PIR: variants seen among roughly 807,000 people sequenced by gnomAD.
The protein encoded by PIR is pirin (iron-binding nuclear protein).
A neutral mutation model predicts 24.2 loss-of-function variants in PIR; 22 were observed. The observed-to-expected ratio is 0.91, with a 90% confidence interval of 0.65 to 1.30. The LOEUF is 1.30. Among genes scored for constraint, PIR ranks in the 50% most tolerant of loss-of-function variants. PIR has a pLI of 0.00. For synonymous variants in PIR, 80 were observed against 79.6 expected, an observed-to-expected ratio of 1.00 and a Z score of -0.03; for missense variants, 220 against 220.3, an observed-to-expected ratio of 1.00 and a Z score of 0.01.
chrX:15,482,630 CT>C (rs1295528770), intron 2 of PIR, among the ~76,000 whole-genome samples: 1 of 111,881 alleles, frequency 8.9e-6, no homozygotes, highest in African/African-American at 3.2e-5. Context: ...GATATATTAT[CT>C]TTTAATACAT....
chrX:15,486,478 T>G (rs1408790590), intron 2 of PIR, among the ~76,000 whole-genome samples: 1 of 110,116 alleles, frequency 9.1e-6, no homozygotes, highest in East Asian at 2.8e-4. Context: ...CCACTGAACT[T>G]ACAATAATTC....
intron 2 of PIR, among the ~76,000 whole-genome samples, chrX:15,482,886 G>A (rs1357534701): frequency 9.0e-6 from 1 of 110,611 alleles, no homozygotes; most frequent in African/African-American, 3.3e-5. Context: ...TGCTGTCTTT[G>A]TTATAAACTT....
chrX:15,394,754 T>C (rs1243573894), intron 8 of PIR, among the ~76,000 whole-genome samples: 1 of 111,648 alleles, frequency 9.0e-6, no homozygotes, highest in Non-Finnish European at 1.9e-5. Flanking sequence ...CAGTCCAGGA[T>C]TAAATGTCCA....
At chrX:15,482,484 C>T (rs866956309) in intron 2 of PIR, among the ~76,000 whole-genome samples, 38 of 102,997 alleles carry the variant, frequency 3.7e-4, no homozygotes, top group Non-Finnish European at 4.2e-4. Context: ...GTTGAATTGT[C>T]GAATGTCTTC....
chrX:15,491,514 C>A (rs774097112), intron 1 of PIR, among the ~76,000 whole-genome samples: 1 of 111,655 alleles, frequency 9.0e-6, no homozygotes, highest in African/African-American at 3.3e-5. Flanking sequence ...GTGCCCAGTA[C>A]CCCACCAATT....
At chrX:15,393,586 AC>A (rs1394603650) in intron 8 of PIR, among the ~76,000 whole-genome samples, 1 of 110,419 alleles carries the variant, frequency 9.1e-6, no homozygotes, top group Non-Finnish European at 1.9e-5. Context: ...TGCTCGAATT[AC>A]CACCCCAGCT....
At chrX:15,454,478 A>C (rs1470136773) in intron 5 of PIR, among the ~76,000 whole-genome samples, 1 of 109,496 alleles carries the variant, frequency 9.1e-6, no homozygotes, top group Non-Finnish European at 1.9e-5. Flanking sequence ...ACAGGTAAAA[A>C]AAAAAAAAAC....
intron 6 of PIR, among the ~76,000 whole-genome samples, chrX:15,407,957 T>G (rs1924602743): frequency 1.1e-5 from 1 of 94,355 alleles, no homozygotes; most frequent in African/African-American, 4.0e-5. Flanking sequence ...GTCTGAAGTG[T>G]GAAGCTGATG....
intron 5 of PIR, among the ~76,000 whole-genome samples, chrX:15,428,596 A>T (rs1355567498): frequency 8.9e-6 from 1 of 111,840 alleles, no homozygotes. Context: ...GGAAGTCAGG[A>T]GTCTTTCATG....
At chrX:15,447,561 G>A (rs111282407) in intron 5 of PIR, among the ~76,000 whole-genome samples, 1,227 of 111,596 alleles carry the variant, frequency 0.011, 14 homozygotes, top group African/African-American at 0.029. Context: ...CTCGTGATCC[G>A]GCCGCCTCGG....
chrX:15,481,785 G>T (rs1460519110), intron 2 of PIR, among the ~76,000 whole-genome samples: 18 of 111,541 alleles, frequency 1.6e-4, no homozygotes, highest in African/African-American at 5.9e-4. Context: ...TATCACCAGT[G>T]TATTTATCAA....
intron 4 of PIR, among the ~76,000 whole-genome samples, chrX:15,458,519 G>A (rs1921172085): frequency 9.0e-6 from 1 of 111,205 alleles, no homozygotes; most frequent in Admixed American, 9.6e-5. Context: ...TGCACCTGTG[G>A]TCCCACCTAC....
intron 7 of PIR, 94 bp downstream of exon 7, chrX:15,407,412 T>G: frequency 1.6e-6 from 1 of 644,609 alleles, no homozygotes; most frequent in Non-Finnish European, 2.6e-6. Flanking sequence ...GGCATAGTAT[T>G]CAATTACATA....
At chrX:15,465,851 T>C (rs1231608847) in intron 3 of PIR, among the ~76,000 whole-genome samples, 1 of 112,034 alleles carries the variant, frequency 8.9e-6, no homozygotes, top group African/African-American at 3.2e-5. Flanking sequence ...ATATAGTTTG[T>C]TGTTTCTTTC....
At chrX:15,456,799 C>T (rs1191237305) in intron 4 of PIR, among the ~76,000 whole-genome samples, 3 of 112,354 alleles carry the variant, frequency 2.7e-5, no homozygotes, top group Admixed American at 9.4e-5. Context: ...ATGGAACCCT[C>T]GCTACTTGGA....
At chrX:15,454,801 C>T (rs770479245) in intron 5 of PIR, among the ~76,000 whole-genome samples, 10 of 112,120 alleles carry the variant, frequency 8.9e-5, no homozygotes, top group African/African-American at 3.2e-4. Context: ...TCTCCCAGAT[C>T]CCCTCAGATC....
At chrX:15,399,629 G>T (rs1049509860) in intron 7 of PIR, among the ~76,000 whole-genome samples, 1 of 111,751 alleles carries the variant, frequency 8.9e-6, no homozygotes, top group African/African-American at 3.3e-5. Flanking sequence ...TATTAGCTGG[G>T]CTGATGACTT....
At chrX:15,415,977 G>A (rs1361212730) in intron 6 of PIR, among the ~76,000 whole-genome samples, 16 of 107,608 alleles carry the variant, frequency 1.5e-4, no homozygotes, top group African/African-American at 4.8e-4. Flanking sequence ...AGTATAGAAA[G>A]GTTAAAAAAA....
intron 2 of PIR, among the ~76,000 whole-genome samples, chrX:15,487,280 A>G (rs992906042): frequency 8.0e-5 from 9 of 111,838 alleles, no homozygotes; most frequent in African/African-American, 2.9e-4. Context: ...AGTCAAGGCT[A>G]TTTGATGATA....
Sources: allele counts gnomAD v4.1 joint callset (sites outside exome capture counted in the v4.1 genomes callset), GRCh38; gene constraint gnomAD v4.1.1; transcripts MANE v1.5; gene names NCBI Gene and HGNC (gene_info 2026-07-23, HGNC 2026-07-21).